RYR1: variants seen among roughly 807,000 people sequenced by gnomAD.
The protein encoded by RYR1 is ryanodine receptor 1, also known as central core disease of muscle.
In RYR1, 342 loss-of-function variants were observed where a neutral mutation model predicts 583.5. The observed-to-expected ratio is 0.59, with a 90% CI of 0.54 to 0.64. RYR1 has a LOEUF of 0.64. Among genes scored for constraint, RYR1 ranks in the 30% least tolerant of loss-of-function variants. The probability of loss-of-function intolerance (pLI) is 0.00; values close to 1 mark genes in which losing one functional copy is unlikely to be tolerated. For missense variants in RYR1, 6,032 were observed against 6,917.2 expected, an observed-to-expected ratio of 0.87 and a Z score of 4.54; for synonymous variants, 2,791 against 2,822.5, an observed-to-expected ratio of 0.99 and a Z score of 0.35.
At chr19:38,540,850 CAT>C in intron 84 of RYR1, among the ~76,000 whole-genome samples, 1 of 82,108 alleles carries the variant, frequency 1.2e-5, no homozygotes, top group East Asian at 4.1e-4. Context: ...AACCTCCAAT[CAT>C]ATACTACAGT....
At chr19:38,539,716 T>C (rs1282465495) in intron 84 of RYR1, among the ~76,000 whole-genome samples, 2 of 152,170 alleles carry the variant, frequency 1.3e-5, no homozygotes, top group African/African-American at 4.8e-5. Context: ...CCTAATCAAA[T>C]AGATATTTGA....
intron 90 of RYR1, among the ~76,000 whole-genome samples, chr19:38,562,571 C>G (rs948314340): frequency 1.3e-5 from 2 of 152,164 alleles, no homozygotes; most frequent in Non-Finnish European, 2.9e-5. Flanking sequence ...TCAGGGGACA[C>G]CAGCTCATGC....
chr19:38,494,756 C>A, intron 39 of RYR1, 131 bp downstream of exon 39: 1 of 1,137,118 alleles, frequency 8.8e-7, no homozygotes, highest in Non-Finnish European at 1.3e-6. Flanking sequence ...ATGGCTAGCT[C>A]ACCTCCTGGG....
chr19:38,457,906 G>C, intron 17 of RYR1, 145 bp from the exon 18 acceptor site: 1 of 889,912 alleles, frequency 1.1e-6, no homozygotes, highest in Non-Finnish European at 1.8e-6. Flanking sequence ...TTTCTGTCTT[G>C]ATTCTTCCTC....
At position 38,561,675 on chromosome 19, in the gene RYR1, GGATGCACACCCCTTGGGCAT is replaced by G. The variant is rs777635051; in HGVS notation, c.12624+224_12624+243del. Among the ~76,000 whole-genome samples, 68 of 152,272 alleles carry G rather than the reference GGATGCACACCCCTTGGGCAT, an allele frequency of 4.5e-4. No homozygotes were observed. Among genetic ancestry groups the G allele is most frequent in the Admixed American group, 9.2e-4 (14 of 15,288 alleles). On this transcript the variant is annotated intron_variant, in intron 90 of 105. Transcript: ENST00000359596. The surrounding 1 kb of genome is among the most constrained non-coding windows in gnomAD (Gnocchi z 4.8). The stretch of plus-strand genomic sequence containing the variant: ...CTTCTTGCGGACCTGGCCCACACAA[GGATGCACACCCCTTGGGCAT>G]GAAGCAGGGTCAGTGTGTCCTGACT...
At chr19:38,571,259 G>A (rs532826285) in intron 94 of RYR1, among the ~76,000 whole-genome samples, 163 of 152,266 alleles carry the variant, frequency 1.1e-3, no homozygotes, top group East Asian at 7.7e-4. Flanking sequence ...GGCGCATGAC[G>A]ATAGGCAAGG....
chr19:38,507,788 C>A lies in RYR1; in HGVS notation c.8893C>A (p.Arg2965Ser), dbSNP rs780682934. 2 of 1,613,628 alleles carry A rather than the reference C, an allele frequency of 1.2e-6. No homozygotes were observed. Among genetic ancestry groups the A allele is most frequent in the African/African-American group, 2.7e-5 (2 of 74,868 alleles). Residue 2965 changes from arginine (R) to serine (S), a missense_variant, in exon 58 of 106, where the codon CGC becomes AGC. Transcript: ENST00000359596. ...CTTTGGCTTCCTGCAGCAGCTGCTG[C>A]GCTGGATGGACATTTCTCAGGAGTT... is the stretch of plus-strand genomic sequence containing the variant. ...FAFGFLQQLL[R>S]WMDISQEFIA... is the part of the protein sequence containing the mutation.
rs192507454 is a variant in RYR1, at chr19:38,464,461, C to A, written c.2787-178C>A. Among the ~76,000 whole-genome samples, 3 of 152,048 alleles carry A rather than the reference C, an allele frequency of 2.0e-5. No individual in the cohort carries two copies. In the South Asian group the frequency reaches 6.2e-4, roughly 32 times the overall value. Reference sequence around the variant, plus strand: ...GACATAGTTAGTTATACAGACAAGGCGCAGGGAAAGACAGAAGTCATGAAG... The same window carrying A: ...GACATAGTTAGTTATACAGACAAGGAGCAGGGAAAGACAGAAGTCATGAAG... On this transcript the variant is annotated intron_variant, in intron 22 of 105. Transcript: ENST00000359596.
At chr19:38,450,351 C>T (rs1327613025) in intron 11 of RYR1, among the ~76,000 whole-genome samples, 1 of 152,000 alleles carries the variant, frequency 6.6e-6, no homozygotes, top group Admixed American at 6.6e-5. Context: ...AGGATGATGC[C>T]ATGATTTTTT....
rs143433608 is a variant in RYR1, at chr19:38,552,502, C to T, written c.12282+4082C>T. Among the ~76,000 whole-genome samples, 10 of 152,252 alleles carry T rather than the reference C, an allele frequency of 6.6e-5. No individual in the cohort carries two copies. In the East Asian group the frequency reaches 1.2e-3, roughly 18 times the overall value. ...TCCTGACCTCATGATCCACCTGCCTCGGCCTCCCAAAGTGCTGGGATTACA... is the reference window on the plus strand; with the variant it reads ...TCCTGACCTCATGATCCACCTGCCTTGGCCTCCCAAAGTGCTGGGATTACA... On this transcript the variant is annotated intron_variant, in intron 89 of 105. Transcript: ENST00000359596.
intron 81 of RYR1, chr19:38,535,647 A>C (rs1971931878): frequency 1.7e-6 from 1 of 600,570 alleles, no homozygotes; most frequent in South Asian, 2.0e-5. Flanking sequence ...TTTAAGGGGA[A>C]CTTGGCAGTG....
At position 38,442,330 on chromosome 19, in the gene RYR1, C is replaced by T; in HGVS notation, c.166-19C>T. ...GGGGGGTCTTCTGACCCCTCACTTA[C>T]ATCCCCCTCCCACCCCAGAATGTGC... On this transcript the variant is annotated intron_variant, in intron 2 of 105. Transcript: ENST00000359596. 1 of 1,547,772 alleles carries T rather than the reference C, an allele frequency of 6.5e-7. No homozygotes were observed. The highest frequency in any genetic ancestry group is 8.9e-7 in the Non-Finnish European group (1 of 1,119,576).
chr19:38,465,391 C>T (rs557403713), intron 23 of RYR1, among the ~76,000 whole-genome samples: 8 of 152,152 alleles, frequency 5.3e-5, no homozygotes, highest in African/African-American at 1.9e-4. Context: ...TTGCTTGAAC[C>T]CAGGAGTTTG....
rs1971290613 is a variant in RYR1, at chr19:38,523,023, C to G, written c.10260-5C>G. 6.3e-7 allele frequency: 1 copy of G among 1,588,150 alleles called. No homozygotes were observed. Among genetic ancestry groups the G allele is most frequent in the African/African-American group, 1.3e-5 (1 of 74,440 alleles). On this transcript the variant is annotated splice_polypyrimidine_tract_variant and splice_region_variant and intron_variant, in intron 67 of 105. Coordinates refer to ENST00000359596, the MANE Select transcript of RYR1 (RefSeq NM_000540.3). The stretch of plus-strand genomic sequence containing the variant: ...CCTCCCTCACCTCCCCTCCGCTGAC[C>G]CCAGGGCGCAGTGGCTGACGGAGCC...
rs914804033 is a variant in RYR1 at position 38,502,923 on chromosome 19, G to C, written c.7879G>C (p.Val2627Leu). ...SMLQHLLRRL[V>L]FDVPILNEFA... ...GCTGCAGCACCTGTTGCGCCGCCTG[G>C]TGTTCGACGTGCCCATCCTCAACGA... Residue 2627 changes from valine to leucine, a missense_variant, in exon 49 of 106, where the codon GTG becomes CTG. Val to Leu is a conservative substitution (Grantham distance 32). This residue lies in a region of RYR1 where 250 missense variants were observed against 162.3 expected (regional missense o/e 1.54). Transcript: ENST00000359596. The C allele has an allele frequency of 3.1e-6, 5 of 1,611,580 alleles. No homozygotes were observed. Among genetic ancestry groups the C allele is most frequent in the Non-Finnish European group, 3.4e-6 (4 of 1,179,996 alleles).
In RYR1 at chr19:38,546,436, G is replaced by C. The variant is rs1972428517; in HGVS notation, c.12013-9G>C. ...CTGAGACCAGCCCTCACCGAGCTGG[G>C]ATCTCTAGGACTCAAGCCAGATCGA... is the stretch of plus-strand genomic sequence containing the variant. On this transcript the variant is annotated splice_polypyrimidine_tract_variant and intron_variant, in intron 87 of 105. Transcript: ENST00000359596. 1.2e-5 allele frequency: 19 copies of C among 1,613,408 alleles called. No individual in the cohort carries two copies. The highest frequency in any genetic ancestry group is 2.2e-5 in the East Asian group (1 of 44,842).
intron 27 of RYR1, among the ~76,000 whole-genome samples, chr19:38,472,066 C>T (rs539933924): frequency 2.0e-5 from 3 of 151,794 alleles, no homozygotes; most frequent in East Asian, 1.9e-4. Context: ...CATTGTTTAC[C>T]GAGTCTCTAG....
chr19:38,499,553 T>G lies in RYR1; in HGVS notation c.7028-82T>G. ...AGCTGGATGGGACCTGTGTTACCCC[T>G]GGAGGTGTTGGGTCCTGGGGCTGCA... On this transcript the variant is annotated intron_variant, in intron 43 of 105. Transcript: ENST00000359596. The surrounding 1 kb of genome is among the most constrained non-coding windows in gnomAD (Gnocchi z 7.3). The G allele has an allele frequency of 6.8e-7, 1 of 1,472,966 alleles. No individual in the cohort carries two copies. Among genetic ancestry groups the G allele is most frequent in the Non-Finnish European group, 9.3e-7 (1 of 1,076,414 alleles). 91.2% of individuals were successfully genotyped at this position (1,472,966 alleles called of 1,614,324 possible). A position where few individuals can be genotyped will look rare whatever the true frequency, so the allele number is the denominator to read the frequency against.
chr19:38,561,236 C>T lies in RYR1; in HGVS notation c.12406C>T (p.Arg4136Cys). The change falls in exon 90 of 106, where the codon CGC becomes TGC. Residue 4136 changes from arginine to cysteine, a missense_variant. Coordinates refer to ENST00000359596, the MANE Select transcript of RYR1 (RefSeq NM_000540.3). The surrounding 1 kb of genome is among the most constrained non-coding windows in gnomAD (Gnocchi z 4.8). ...EFANRFQEPA[R>C]DIGFNVAVLL... ...CGCCAACCGCTTCCAGGAGCCAGCACGCGACATCGGCTTCAACGTGGCGGT... is the reference window on the plus strand; with the variant it reads ...CGCCAACCGCTTCCAGGAGCCAGCATGCGACATCGGCTTCAACGTGGCGGT... The T allele has an allele frequency of 1.9e-6, 3 of 1,614,110 alleles. No homozygotes were observed. The highest frequency in any genetic ancestry group is 1.1e-5 in the South Asian group (1 of 91,080).
Sources: gnomAD v4.1 joint callset for allele counts (sites outside exome capture counted in the v4.1 genomes callset) on GRCh38, gnomAD v4.1.1 for gene constraint, gnomAD v4.1.1 regional missense constraint, Gnocchi (gnomAD v3.1) non-coding constraint, MANE v1.5 for transcripts, NCBI Gene and HGNC (gene_info 2026-07-23, HGNC 2026-07-21) for gene names.